Variants in RUNX1T1 observed in about 807,000 individuals in gnomAD.
The protein encoded by RUNX1T1 is protein CBFA2T1.
Under a neutral mutation model 62.8 loss-of-function variants are expected in RUNX1T1, and 4 were observed. The observed-to-expected ratio is 0.06, with a 90% confidence interval of 0.03 to 0.15. The LOEUF (loss-of-function observed/expected upper bound fraction) is 0.15, where lower values mean the gene tolerates loss of function less well. RUNX1T1 is among the 10% of genes least tolerant of loss of function. The pLI, the probability that RUNX1T1 is intolerant of heterozygous loss-of-function variation, is 1.00. For missense variants in RUNX1T1, 508 were observed against 754.3 expected (o/e 0.67, Z 3.82); for synonymous variants, 291 against 286.0 (o/e 1.02, Z -0.18).
chr8:92,044,969 G>A (rs1162920454), intron 1 of RUNX1T1, among the ~76,000 whole-genome samples: 1 of 151,698 alleles, frequency 6.6e-6, no homozygotes, highest in Non-Finnish European at 1.5e-5. Context: ...AGGGGCCTAA[G>A]CCTGTAATCC....
At chr8:92,055,244 A>G (rs1830850155) in intron 1 of RUNX1T1, among the ~76,000 whole-genome samples, 1 of 152,162 alleles carries the variant, frequency 6.6e-6, no homozygotes, top group Admixed American at 6.5e-5. Context: ...TATGATCAAA[A>G]TATAGATAAA....
Position 92,021,579 on chromosome 8 carries a change from C to T in RUNX1T1, c.8-4216G>A, listed in dbSNP as rs75245274. On this transcript the variant is annotated intron_variant, in intron 1 of 10. Coordinates refer to ENST00000396218, the Ensembl canonical transcript of RUNX1T1. ...AGAATAACTTCCTAAGGCAGACTGGCTTCAAATGTTGACTCTCTCCACCAT... is the reference window on the plus strand; with the variant it reads ...AGAATAACTTCCTAAGGCAGACTGGTTTCAAATGTTGACTCTCTCCACCAT... 7.9e-3 allele frequency among the ~76,000 whole-genome samples: 1,196 copies of T among 152,234 alleles called. 9 individuals carry two copies. Among genetic ancestry groups the T allele is most frequent in the African/African-American group, 0.026 (1,100 of 41,534 alleles).
rs572232669 is a variant in RUNX1T1 at position 92,077,488 on chromosome 8, T to C, written c.-85-1351A>G. On this transcript the variant is annotated intron_variant, in intron 1 of 11. Transcript: ENST00000265814. ...AAGACTGAAAGTAAATACATCTAGA[T>C]GTTAAATATGATTATTTCTGGAAGA... Among the ~76,000 whole-genome samples the C allele has an allele frequency of 2.0e-5, 3 of 152,202 alleles. No individual in the cohort carries two copies. The South Asian group carries it at 6.2e-4, about 32-fold the overall frequency.
intron 1 of RUNX1T1, among the ~76,000 whole-genome samples, chr8:92,094,607 C>T (rs1408282454): frequency 6.6e-6 from 1 of 152,148 alleles, no homozygotes; most frequent in Non-Finnish European, 1.5e-5. Context: ...CAATTTATCA[C>T]GCATTTAAAA....
chr8:92,060,889 G>C (rs1831920271), intron 1 of RUNX1T1, among the ~76,000 whole-genome samples: 1 of 151,714 alleles, frequency 6.6e-6, no homozygotes, highest in South Asian at 2.1e-4. Context: ...TATATTCTAT[G>C]TATCCAAGTA....
chr8:91,984,147 A>C (rs1026693333), intron 8 of RUNX1T1, among the ~76,000 whole-genome samples: 1 of 152,222 alleles, frequency 6.6e-6, no homozygotes, highest in Non-Finnish European at 1.5e-5. Context: ...GAACATCACT[A>C]AAAAATAGTA....
chr8:91,978,133 G>C (rs908246754), intron 8 of RUNX1T1, among the ~76,000 whole-genome samples: 1 of 152,072 alleles, frequency 6.6e-6, no homozygotes, highest in Non-Finnish European at 1.5e-5. Flanking sequence ...GAACAGGAAA[G>C]GTAATGTTTA....
chr8:92,026,888 C>T (rs1191655238), intron 1 of RUNX1T1, among the ~76,000 whole-genome samples: 3 of 151,314 alleles, frequency 2.0e-5, no homozygotes, highest in Admixed American at 6.6e-5. Flanking sequence ...GAGGCCGAGA[C>T]GGGCGGATCA....
intron 1 of RUNX1T1, among the ~76,000 whole-genome samples, chr8:92,096,119 C>T (rs1384138869): frequency 6.6e-6 from 1 of 152,176 alleles, no homozygotes; most frequent in Non-Finnish European, 1.5e-5. Flanking sequence ...TATAAAATAG[C>T]TTCTGTCCCT....
At chr8:92,083,239 A>G (rs530986497) in intron 1 of RUNX1T1, among the ~76,000 whole-genome samples, 1 of 152,350 alleles carries the variant, frequency 6.6e-6, no homozygotes, top group Admixed American at 6.5e-5. Context: ...CAAAAGCCAA[A>G]CTTGACAAAT....
chr8:92,063,045 C>A, upstream of RUNX1T1: 1 of 762,454 alleles, frequency 1.3e-6, no homozygotes, highest in Non-Finnish European at 1.7e-6. Flanking sequence ...CCACCCCTCA[C>A]AATAAAAGGC....
chr8:92,030,891 G>A (rs1826094989), intron 1 of RUNX1T1, among the ~76,000 whole-genome samples: 1 of 152,140 alleles, frequency 6.6e-6, no homozygotes, highest in South Asian at 2.1e-4. Flanking sequence ...ATTCTGCCAG[G>A]TGTCCATATC....
chr8:91,963,145 T>G (rs1303860654), intron 10 of RUNX1T1, among the ~76,000 whole-genome samples: 2 of 152,318 alleles, frequency 1.3e-5, no homozygotes, highest in East Asian at 3.9e-4. Context: ...ATGTTTTGGA[T>G]CGTGAAGCTG....
intron 5 of RUNX1T1, among the ~76,000 whole-genome samples, chr8:92,002,268 T>C (rs1180045938): frequency 6.6e-6 from 1 of 152,128 alleles, no homozygotes; most frequent in Non-Finnish European, 1.5e-5. Flanking sequence ...GTAACACTTG[T>C]TCAGAGACAC....
chr8:92,066,251 C>A (rs917908038), upstream of RUNX1T1, among the ~76,000 whole-genome samples: 2 of 152,210 alleles, frequency 1.3e-5, no homozygotes, highest in Non-Finnish European at 2.9e-5. Context: ...GGAGACCCTT[C>A]CACAAAGTGG....
upstream of RUNX1T1, among the ~76,000 whole-genome samples, chr8:92,100,796 A>C (rs1385868914): frequency 1.3e-5 from 2 of 152,246 alleles, no homozygotes; most frequent in African/African-American, 4.8e-5. Flanking sequence ...AGAGAGGGAA[A>C]TCCACAGAAT....
chr8:92,011,080 C>A, exon 4 of RUNX1T1: 1 of 1,597,758 alleles, frequency 6.3e-7, no homozygotes, highest in South Asian at 1.1e-5. Context: ...CTTCAATTGT[C>A]AAAGTGGAGT....
intron 1 of RUNX1T1, among the ~76,000 whole-genome samples, chr8:92,043,822 C>CA (rs1422751358): frequency 4.0e-5 from 6 of 151,560 alleles, no homozygotes; most frequent in African/African-American, 1.5e-4. Flanking sequence ...ACTAAAAATA[C>CA]AAAAAATTAG....
chr8:91,982,628 A>T (rs1815587354), intron 8 of RUNX1T1, among the ~76,000 whole-genome samples: 1 of 152,220 alleles, frequency 6.6e-6, no homozygotes, highest in South Asian at 2.1e-4. Flanking sequence ...TAAATGTATA[A>T]ATAAGTCATA....
Sources: gnomAD v4.1 joint callset for allele counts (sites outside exome capture counted in the v4.1 genomes callset) on GRCh38, gnomAD v4.1.1 for gene constraint, MANE v1.5 for transcripts, NCBI Gene and HGNC (gene_info 2026-07-23, HGNC 2026-07-21) for gene names.